The following NEMF variants were observed in gnomAD, a reference collection of about 807,000 sequenced individuals.
The protein encoded by NEMF is ribosome quality control complex subunit NEMF.
A neutral mutation model predicts 162.2 loss-of-function variants in NEMF; 89 were observed. The observed-to-expected ratio is 0.55, with a 90% CI of 0.46 to 0.65. The LOEUF (loss-of-function observed/expected upper bound fraction) is 0.65, where lower values mean the gene tolerates loss of function less well. NEMF is among the 30% of genes least tolerant of loss of function. NEMF has a pLI of 0.00. For missense variants in NEMF, 1,133 were observed against 1,261.9 expected, an observed-to-expected ratio of 0.90 and a Z score of 1.55; for synonymous variants, 421 against 404.5, an observed-to-expected ratio of 1.04 and a Z score of -0.49.
At chr14:49,805,969 G>C in intron 19 of NEMF, 52 bp downstream of exon 19, 4 of 1,206,844 alleles carry the variant, frequency 3.3e-6, no homozygotes, top group South Asian at 1.3e-5. Context: ...CTCAAAATTT[G>C]GCACACAGTA....
intron 18 of NEMF, among the ~76,000 whole-genome samples, chr14:49,813,554 G>C (rs145861872): frequency 3.0e-3 from 464 of 152,180 alleles, no homozygotes; most frequent in Non-Finnish European, 5.4e-3. Context: ...AATTCTGTCA[G>C]GTTTGCTTTA....
chr14:49,796,100 A>G, intron 25 of NEMF, 156 bp from the exon 26 acceptor site: 1 of 631,222 alleles, frequency 1.6e-6, no homozygotes, highest in South Asian at 1.9e-5. Context: ...AAAGATGCTT[A>G]AAATCATCAT....
intron 1 of NEMF, 55 bp downstream of exon 1, chr14:49,852,640 C>G: frequency 6.3e-7 from 1 of 1,588,638 alleles, no homozygotes. Context: ...CCATGGGACT[C>G]CGGCCTCTGC....
At chr14:49,798,294 C>G (rs1419820389) in intron 25 of NEMF, among the ~76,000 whole-genome samples, 1 of 152,128 alleles carries the variant, frequency 6.6e-6, no homozygotes, top group Admixed American at 6.5e-5. Flanking sequence ...AGGAGGTACT[C>G]TATAGTTTTC....
At chr14:49,785,173 T>A (rs758421478) in intron 30 of NEMF, 38 bp from the exon 31 acceptor site, 3 of 1,602,010 alleles carry the variant, frequency 1.9e-6, no homozygotes, top group Admixed American at 3.3e-5. Flanking sequence ...AAATAGACGT[T>A]ACAAAACAAT....
At chr14:49,848,552 ACGG>A (rs1893621970) in intron 3 of NEMF, among the ~76,000 whole-genome samples, 8 of 152,052 alleles carry the variant, frequency 5.3e-5, no homozygotes, top group South Asian at 2.1e-4. Flanking sequence ...AGACTCAAAT[ACGG>A]TCTGGGTATG....
At chr14:49,852,331 C>T (rs1893819576) in intron 1 of NEMF, among the ~76,000 whole-genome samples, 1 of 152,196 alleles carries the variant, frequency 6.6e-6, no homozygotes, top group Non-Finnish European at 1.5e-5. Context: ...GGGAGGTGTT[C>T]AAGAAACCAA....
At chr14:49,798,067 C>A (rs1890773767) in intron 25 of NEMF, among the ~76,000 whole-genome samples, 2 of 152,188 alleles carry the variant, frequency 1.3e-5, no homozygotes. Context: ...TTGGTTCTGG[C>A]CTTTTGCCCT....
intron 20 of NEMF, 88 bp downstream of exon 20, chr14:49,803,149 T>C: frequency 1.0e-6 from 1 of 988,248 alleles, no homozygotes; most frequent in Admixed American, 2.3e-5. Context: ...TAATTTGTTT[T>C]TGTTCTAAGA....
intron 6 of NEMF, 45 bp from the exon 7 acceptor site, chr14:49,834,494 CTTTT>C (rs1339358706): frequency 7.3e-7 from 1 of 1,371,560 alleles, no homozygotes; most frequent in Non-Finnish European, 1.0e-6. Flanking sequence ...CCTATAAATT[CTTTT>C]TTGTTTTTGT....
rs1891006551 is a variant in NEMF, at chr14:49,802,580, A to G, written c.1975-7T>C. On this transcript the variant is annotated splice_region_variant and splice_polypyrimidine_tract_variant and intron_variant, in intron 21 of 32. Coordinates refer to ENST00000298310, the MANE Select transcript of NEMF (RefSeq NM_004713.6). ...AAACACAAGACTCATCTACCTAAAG[A>G]AACAGTTATTTTTCAGTGACGGAGC... The G allele has an allele frequency of 6.2e-7, 1 of 1,613,278 alleles. No individual in the cohort carries two copies.
At chr14:49,787,690 G>C (rs989539702) in intron 28 of NEMF, among the ~76,000 whole-genome samples, 24 of 152,138 alleles carry the variant, frequency 1.6e-4, no homozygotes, top group Non-Finnish European at 2.9e-4. Flanking sequence ...TTAACATTTA[G>C]ACCATAGCAC....
At chr14:49,845,075 AAGTTAGTTAGTT>A (rs34544224) in intron 4 of NEMF, among the ~76,000 whole-genome samples, 3 of 149,176 alleles carry the variant, frequency 2.0e-5, no homozygotes, top group African/African-American at 2.5e-5. Flanking sequence ...GGCCCAGATT[AAGTTAGTTAGTT>A]AGTTAGTTAG....
chr14:49,797,832 A>G (rs1036068117), intron 25 of NEMF, among the ~76,000 whole-genome samples: 8 of 152,180 alleles, frequency 5.3e-5, no homozygotes, highest in Admixed American at 3.9e-4. Context: ...ATTCAACATC[A>G]TTGTGTTATA....
intron 6 of NEMF, among the ~76,000 whole-genome samples, chr14:49,834,810 C>A (rs117421823): frequency 0.035 from 5,289 of 152,264 alleles, 129 homozygotes; most frequent in Admixed American, 0.066. Context: ...AAATATAGCA[C>A]AAATTTATTT....
intron 6 of NEMF, among the ~76,000 whole-genome samples, chr14:49,835,132 G>A (rs891973685): frequency 5.3e-5 from 8 of 152,016 alleles, no homozygotes; most frequent in South Asian, 4.1e-4. Flanking sequence ...CCCGGGAGGC[G>A]GAGGCTGTGG....
At chr14:49,812,388 T>C (rs1233679773) in intron 18 of NEMF, among the ~76,000 whole-genome samples, 1 of 152,178 alleles carries the variant, frequency 6.6e-6, no homozygotes, top group African/African-American at 2.4e-5. Context: ...TTTCTCTATT[T>C]TTTTCCTATT....
At chr14:49,848,458 C>T (rs1370163580) in intron 3 of NEMF, among the ~76,000 whole-genome samples, 1 of 152,068 alleles carries the variant, frequency 6.6e-6, no homozygotes, top group African/African-American at 2.4e-5. Context: ...ACTCTGTAGC[C>T]TCTAAAATAT....
intron 6 of NEMF, among the ~76,000 whole-genome samples, 159 bp downstream of exon 6, chr14:49,837,980 C>T (rs1892991537): frequency 6.6e-6 from 1 of 152,120 alleles, no homozygotes; most frequent in African/African-American, 2.4e-5. Context: ...AAAGCTCAAA[C>T]TTCATGTGGT....
Sources: gnomAD v4.1 joint callset for allele counts (sites outside exome capture counted in the v4.1 genomes callset) on GRCh38, gnomAD v4.1.1 for gene constraint, MANE v1.5 for transcripts, NCBI Gene and HGNC (gene_info 2026-07-23, HGNC 2026-07-21) for gene names.